Variants in SAV1 observed in about 807,000 individuals in gnomAD.
SAV1 encodes the protein protein salvador homolog 1.
Under a neutral mutation model 47.3 loss-of-function variants are expected in SAV1, and 23 were observed. That is an observed-to-expected ratio of 0.49 (90% CI 0.35 to 0.69). The LOEUF is 0.69. Ranked by LOEUF, SAV1 falls within the 30% of genes least tolerant of loss-of-function variation. The probability of loss-of-function intolerance (pLI) is 0.01; values close to 1 mark genes in which losing one functional copy is unlikely to be tolerated. For synonymous variants in SAV1, 155 were observed against 159.2 expected (o/e 0.97, Z 0.20); for missense variants, 448 against 457.4 (o/e 0.98, Z 0.19).
intron 1 of SAV1, 138 bp from the exon 2 acceptor site, chr14:50,665,757 G>C (rs2039896892): frequency 2.7e-6 from 2 of 728,986 alleles, no homozygotes; most frequent in South Asian, 2.0e-5. Context: ...TTTTGGTTTA[G>C]GATGGTACTT....
At chr14:50,640,546 A>G (rs1322169440) in intron 4 of SAV1, among the ~76,000 whole-genome samples, 4 of 152,262 alleles carry the variant, frequency 2.6e-5, no homozygotes, top group Admixed American at 2.6e-4. Context: ...TGAAGATTCT[A>G]TAAATGTCTG....
At chr14:50,654,615 C>A (rs2934691) in intron 2 of SAV1, among the ~76,000 whole-genome samples, 80,292 of 152,054 alleles carry the variant, frequency 0.53, 21,973 homozygotes, top group East Asian at 0.73. Context: ...ACATGAAATG[C>A]GCACGTGCTG....
rs1183983904 is a variant in SAV1 at position 50,668,041 on chromosome 14, C to G, written c.-74G>C. The G allele has an allele frequency of 5.3e-6, 6 of 1,125,162 alleles. No homozygotes were observed. 69.7% of individuals were successfully genotyped at this position (1,125,162 alleles called of 1,614,324 possible). A position where few individuals can be genotyped will look rare whatever the true frequency, so the allele number is the denominator to read the frequency against. ...CGCGCCGGGCGCCGGCCGTCTCCGC[C>G]GCCACCTCCGCCGGCGCCGCCGCCT... is the stretch of plus-strand genomic sequence containing the variant. On this transcript the variant is annotated 5_prime_UTR_variant, in exon 1 of 5. Transcript: ENST00000324679.
chr14:50,659,903 T>C (rs1416328233), intron 2 of SAV1, among the ~76,000 whole-genome samples: 1 of 152,144 alleles, frequency 6.6e-6, no homozygotes, highest in African/African-American at 2.4e-5. Flanking sequence ...ACAGACCCCC[T>C]TGATAGTTTC....
rs1369699009 is a variant in SAV1 at position 50,635,238 on chromosome 14, T to G, written c.1097A>C (p.Glu366Ala). The change falls in exon 5 of 5, where the codon GAA becomes GCA. Residue 366 changes from glutamate (E) to alanine (A), a missense_variant. Physicochemically the swap from Glu to Ala is moderately radical, Grantham distance 107. Coordinates refer to ENST00000324679, the MANE Select transcript of SAV1 (RefSeq NM_021818.4). ...AYRQALLTEL[E>A]NRKQRQQWYA... ...CCACTGCTGTCTCTGCTTTCGGTTT[T>G]CCAACTCTGTAAGAAGGGCTTGTCT... 3 of 1,614,190 alleles carry G rather than the reference T, an allele frequency of 1.9e-6. No individual in the cohort carries two copies. The South Asian group carries it at 3.3e-5, about 18-fold the overall frequency.
At position 50,635,203 on chromosome 14, in the gene SAV1, G is replaced by T. The variant is rs375222171; in HGVS notation, c.1132C>A (p.Gln378Lys). The T allele has an allele frequency of 3.1e-6, 5 of 1,613,566 alleles. No homozygotes were observed. Among genetic ancestry groups the T allele is most frequent in the Non-Finnish European group, 4.2e-6 (5 of 1,179,812 alleles). Residue 378 changes from glutamine (Q) to lysine (K), a missense_variant, in exon 5 of 5, where the codon CAA (glutamine) becomes AAA (lysine). Transcript: ENST00000324679. ...RKQRQQWYAQ[Q>K]HGKNF ...TCAGCTCAAAAATTTTTTCCATGTT[G>T]TTGGGCATACCACTGCTGTCTCTGC...
chr14:50,642,359 C>T (rs536964831), intron 3 of SAV1, among the ~76,000 whole-genome samples: 1 of 152,040 alleles, frequency 6.6e-6, no homozygotes, highest in South Asian at 2.1e-4. Flanking sequence ...CTTCATGATG[C>T]ATGCCTGTAA....
At chr14:50,638,376 C>T (rs2039653979) in intron 4 of SAV1, among the ~76,000 whole-genome samples, 1 of 152,192 alleles carries the variant, frequency 6.6e-6, no homozygotes, top group Non-Finnish European at 1.5e-5. Flanking sequence ...ATCTCTTTCA[C>T]TCTGTTTTTC....
Position 50,634,032 on chromosome 14 carries a change from G to A in SAV1, c.*1151C>T, listed in dbSNP as rs116061135. ...AATTAAAAAGTAATAATATACATTC[G>A]ATTTAATGACCAAAAATTTTTTTTG... On this transcript the variant is annotated 3_prime_UTR_variant, in exon 5 of 5. Coordinates refer to ENST00000324679, the MANE Select transcript of SAV1 (RefSeq NM_021818.4). 390 of 289,956 alleles carry A rather than the reference G, an allele frequency of 1.3e-3. 5 individuals are homozygous for A. Among genetic ancestry groups the A allele is most frequent in the African/African-American group, 8.1e-3 (369 of 45,800 alleles). 18.0% of individuals were successfully genotyped at this position (289,956 alleles called of 1,614,324 possible).
intron 4 of SAV1, among the ~76,000 whole-genome samples, chr14:50,639,327 ATT>A (rs961120485): frequency 2.0e-5 from 3 of 149,958 alleles, no homozygotes; most frequent in Non-Finnish European, 4.4e-5. Context: ...AAACATGCAA[ATT>A]TTTTTTGCAA....
chr14:50,650,321 A>G (rs954917311), intron 2 of SAV1, among the ~76,000 whole-genome samples: 2 of 152,246 alleles, frequency 1.3e-5, no homozygotes, highest in African/African-American at 4.8e-5. Flanking sequence ...ACAGAGTACT[A>G]TATTATATAG....
intron 3 of SAV1, among the ~76,000 whole-genome samples, chr14:50,641,868 A>C (rs1368757152): frequency 1.3e-5 from 2 of 152,220 alleles, no homozygotes; most frequent in Non-Finnish European, 2.9e-5. Context: ...CTATTTCTAC[A>C]AAGGAATAGA....
chr14:50,647,038 C>T (rs892089070), intron 2 of SAV1, among the ~76,000 whole-genome samples: 1 of 152,144 alleles, frequency 6.6e-6, no homozygotes, highest in East Asian at 1.9e-4. Context: ...AACAACTGGA[C>T]ATCCATATGC....
Position 50,635,095 on chromosome 14 carries a change from A to C in SAV1, c.*88T>G. On this transcript the variant is annotated 3_prime_UTR_variant, in exon 5 of 5. Transcript: ENST00000324679. ...TTATAATTTCCACAAAGGAAGCAGCATTTATTAACCAGAGTACTTGTTTGC... is the reference window on the plus strand; with the variant it reads ...TTATAATTTCCACAAAGGAAGCAGCCTTTATTAACCAGAGTACTTGTTTGC... 1.2e-6 allele frequency: 1 copy of C among 860,328 alleles called. No homozygotes were observed. Among genetic ancestry groups the C allele is most frequent in the Non-Finnish European group, 1.8e-6 (1 of 542,626 alleles). 53.3% of individuals were successfully genotyped at this position (860,328 alleles called of 1,614,324 possible). A position where few individuals can be genotyped will look rare whatever the true frequency, so the allele number is the denominator to read the frequency against.
Position 50,665,452 on chromosome 14 carries a change from T to C in SAV1, c.262A>G (p.Arg88Gly). 1.2e-6 allele frequency: 2 copies of C among 1,613,814 alleles called. No homozygotes were observed. The highest frequency in any genetic ancestry group is 8.5e-7 in the Non-Finnish European group (1 of 1,179,824). The change falls in exon 2 of 5, where the codon AGA becomes GGA. Residue 88 changes from arginine (R) to glycine (G), a missense_variant. Physicochemically the swap from Arg to Gly is moderately radical, Grantham distance 125 (BLOSUM62 -2). Coordinates refer to ENST00000324679, the MANE Select transcript of SAV1 (RefSeq NM_021818.4). ...IQRTPHEIMR[R>G]ESNRLSAPSY... The stretch of plus-strand genomic sequence containing the variant: ...GGTGCAGATAATCTGTTGCTTTCTC[T>C]TCTCATTATTTCATGAGGTGTTCTT...
chr14:50,650,670 T>C (rs2039760304), intron 2 of SAV1, among the ~76,000 whole-genome samples: 1 of 152,226 alleles, frequency 6.6e-6, no homozygotes, highest in Non-Finnish European at 1.5e-5. Context: ...GAGTGAGGAA[T>C]TGAGGCCTTC....
At chr14:50,667,350 G>A (rs993335291) in intron 1 of SAV1, 2 of 451,024 alleles carry the variant, frequency 4.4e-6, no homozygotes, top group African/African-American at 4.0e-5. Context: ...GGCTTTGGGT[G>A]GCGGCTACAA....
chr14:50,644,710 A>C (rs1455528181), intron 3 of SAV1, 34 bp downstream of exon 3: 1 of 1,582,598 alleles, frequency 6.3e-7, no homozygotes, highest in Non-Finnish European at 8.6e-7. Context: ...GACAATCCCG[A>C]AACAAAAAGT....
chr14:50,663,699 A>ACCACTGGTAC (rs889015847), intron 2 of SAV1, among the ~76,000 whole-genome samples: 4 of 152,124 alleles, frequency 2.6e-5, no homozygotes, highest in Non-Finnish European at 2.9e-5. Flanking sequence ...TTTTCCTATT[A>ACCACTGGTAC]CCACTGGTAC....
Sources: allele counts gnomAD v4.1 joint callset (sites outside exome capture counted in the v4.1 genomes callset), GRCh38; gene constraint gnomAD v4.1.1; transcripts MANE v1.5; gene names NCBI Gene and HGNC (gene_info 2026-07-23, HGNC 2026-07-21).